Variants in EFHD1 observed in about 807,000 individuals in gnomAD.
EFHD1 encodes the protein EF-hand domain-containing protein D1.
EFHD1 carries 10 observed loss-of-function variants against 17.2 expected under a neutral mutation model. The ratio of observed to expected loss-of-function variants is 0.58; its 90% CI spans 0.36 to 0.99. The LOEUF (loss-of-function observed/expected upper bound fraction) is 0.99. EFHD1 is among the 50% of genes least tolerant of loss of function. The pLI is 0.01. For missense variants in EFHD1, 310 were observed against 327.5 expected (o/e 0.95, Z 0.41); for synonymous variants, 153 against 142.0 (o/e 1.08, Z -0.55).
At chr2:232,607,187 A>T (rs1037410434) in intron 1 of EFHD1, among the ~76,000 whole-genome samples, 5 of 151,948 alleles carry the variant, frequency 3.3e-5, no homozygotes, top group African/African-American at 1.2e-4. Context: ...CATGCCTGTA[A>T]TTCCAGCACT....
chr2:232,649,701 A>AG (rs1694601294), intron 1 of EFHD1: 1 of 152,226 alleles, frequency 6.6e-6, no homozygotes, highest in Non-Finnish European at 1.5e-5. Flanking sequence ...CCACTCTGCA[A>AG]GGCACACAAG....
intron 1 of EFHD1, among the ~76,000 whole-genome samples, chr2:232,660,523 G>A (rs1034134679): frequency 6.6e-6 from 1 of 152,008 alleles, no homozygotes; most frequent in South Asian, 2.1e-4. Context: ...AAGAGATGGG[G>A]TCTCACTACA....
intron 1 of EFHD1, among the ~76,000 whole-genome samples, chr2:232,624,172 A>G (rs934884159): frequency 6.6e-6 from 1 of 152,054 alleles, no homozygotes; most frequent in African/African-American, 2.4e-5. Flanking sequence ...TGTTTTCTTT[A>G]TTTTGGAATC....
Position 232,639,218 on chromosome 2 carries a change from G to A in EFHD1, c.302+5212G>A, listed in dbSNP as rs374463080. Among the ~76,000 whole-genome samples, 137 of 152,228 alleles carry A rather than the reference G, an allele frequency of 9.0e-4. 1 individual carries two copies. Among genetic ancestry groups the A allele is most frequent in the African/African-American group, 3.2e-3 (132 of 41,530 alleles). On this transcript the variant is annotated intron_variant, in intron 1 of 3. Transcript: ENST00000264059. ...GAATTTTATGAGAATTTGAATAATG[G>A]AAATTTGAAGTTGAGTGATGAAAAC...
chr2:232,678,583 G>A (rs964706704), intron 3 of EFHD1, among the ~76,000 whole-genome samples: 9 of 152,058 alleles, frequency 5.9e-5, no homozygotes, highest in East Asian at 1.9e-4. Context: ...TGGAGAGTTC[G>A]AAACCAGCCT....
Position 232,633,744 on chromosome 2 carries a change from C to T in EFHD1, c.40C>T (p.Leu14=). The T allele has an allele frequency of 2.0e-6, 3 of 1,469,466 alleles. No individual in the cohort carries two copies. Among genetic ancestry groups the T allele is most frequent in the Non-Finnish European group, 2.7e-6 (3 of 1,118,930 alleles). The allele number at this position is 1,469,466 out of a possible 1,614,324, so 91.0% of individuals were successfully genotyped here. The part of the protein sequence containing the change: ...EELACKLERR[L]RREEAEESGP... The stretch of plus-strand genomic sequence containing the variant: ...GCTGGCGTGCAAGCTGGAGCGCCGG[C>T]TGCGGCGCGAGGAGGCCGAGGAGAG... The change falls in exon 1 of 4, where the codon CTG becomes TTG. Residue 14 remains leucine (L), a synonymous_variant. Transcript: ENST00000264059.
In EFHD1 at chr2:232,672,448, G is replaced by T. The variant is rs963244305; in HGVS notation, c.585+5G>T. 3 of 1,590,708 alleles carry T rather than the reference G, an allele frequency of 1.9e-6. No individual in the cohort carries two copies. The African/African-American group carries it at 4.0e-5, about 21-fold the overall frequency. On this transcript the variant is annotated splice_donor_5th_base_variant and intron_variant, in intron 3 of 3. Transcript: ENST00000264059. ...AAGAACTTCTTTGAAGCCAAGGTAG[G>T]TGCTTAGTTCCTTCTGTGAGGAGCA...
chr2:232,618,511 C>T (rs532881879), intron 1 of EFHD1, among the ~76,000 whole-genome samples: 2 of 151,976 alleles, frequency 1.3e-5, no homozygotes, highest in African/African-American at 4.8e-5. Flanking sequence ...CACATGAGTC[C>T]AGGAGTTTGA....
chr2:232,657,455 T>C (rs1245785620), intron 1 of EFHD1, among the ~76,000 whole-genome samples: 2 of 152,202 alleles, frequency 1.3e-5, no homozygotes, highest in Non-Finnish European at 2.9e-5. Context: ...ATAGATCACA[T>C]TTTGTCAATG....
At chr2:232,621,977 T>C (rs919038781) in intron 1 of EFHD1, among the ~76,000 whole-genome samples, 2 of 152,194 alleles carry the variant, frequency 1.3e-5, no homozygotes, top group African/African-American at 2.4e-5. Context: ...CTGTGCTGTA[T>C]ATAAAAACTG....
chr2:232,662,624 C>G (rs986930389), intron 1 of EFHD1, 178 bp from the exon 2 acceptor site: 7 of 687,824 alleles, frequency 1.0e-5, no homozygotes, highest in African/African-American at 9.5e-5. Context: ...TTGAGTCATA[C>G]AAAGCCCTGA....
intron 1 of EFHD1, chr2:232,606,247 T>G (rs1693709364): frequency 6.6e-7 from 1 of 1,504,076 alleles, no homozygotes; most frequent in South Asian, 1.2e-5. Context: ...ATTTTTACTC[T>G]GGTCCAGAAT....
chr2:232,629,065 C>T (rs2106190494), upstream of EFHD1, among the ~76,000 whole-genome samples: 1 of 152,312 alleles, frequency 6.6e-6, no homozygotes, highest in East Asian at 1.9e-4. Flanking sequence ...AGGGAGTCTG[C>T]AGGTGGTTCT....
chr2:232,627,059 TATA>T (rs1475881452), intron 1 of EFHD1, among the ~76,000 whole-genome samples: 101 of 118,936 alleles, frequency 8.5e-4, no homozygotes, highest in African/African-American at 2.6e-3. Context: ...TATATATATA[TATA>T]TATTTTTTTT....
chr2:232,677,762 C>G (rs1406761956), intron 3 of EFHD1, among the ~76,000 whole-genome samples: 1 of 152,048 alleles, frequency 6.6e-6, no homozygotes, highest in Non-Finnish European at 1.5e-5. Flanking sequence ...TCTGCTCCAA[C>G]TCCCCCAACA....
intron 1 of EFHD1, among the ~76,000 whole-genome samples, chr2:232,661,524 A>G (rs952207670): frequency 1.0e-4 from 15 of 150,586 alleles, no homozygotes; most frequent in East Asian, 1.9e-4. Context: ...TAAACATACT[A>G]TATTTCATTG....
rs35239145 is a variant in EFHD1 at position 232,615,312 on chromosome 2, AGTGTGTGTGTGTGT to A, written c.14+9166_14+9179del. Reference sequence around the variant, plus strand: ...CCTGCATTGTTCAAGTGTCAACTATAGTGTGTGTGTGTGTGTGTGTGTGTGTGTGTGTGTGTGTG... The same window carrying A: ...CCTGCATTGTTCAAGTGTCAACTATAGTGTGTGTGTGTGTGTGTGTGTGTG... On this transcript the variant is annotated intron_variant, in intron 1 of 3. Transcript: ENST00000409613. Among the ~76,000 whole-genome samples the A allele has an allele frequency of 1.3e-4, 18 of 136,582 alleles. 1 individual carries two copies. Among genetic ancestry groups the A allele is most frequent in the African/African-American group, 4.3e-4 (16 of 37,544 alleles). The allele number at this position is 136,582 out of a possible 152,430, so 89.6% of individuals were successfully genotyped here.
chr2:232,624,108 C>T (rs777046027), intron 1 of EFHD1, among the ~76,000 whole-genome samples: 6 of 152,136 alleles, frequency 3.9e-5, no homozygotes, highest in South Asian at 2.1e-4. Context: ...TCCCTGCAGC[C>T]GTTTAGGACT....
At chr2:232,680,465 AG>A (rs1319336717) in intron 3 of EFHD1, among the ~76,000 whole-genome samples, 1 of 152,212 alleles carries the variant, frequency 6.6e-6, no homozygotes, top group African/African-American at 2.4e-5. Flanking sequence ...TGTAATATCT[AG>A]AAGTAAATAT....
Sources: allele counts gnomAD v4.1 joint callset (sites outside exome capture counted in the v4.1 genomes callset), GRCh38; gene constraint gnomAD v4.1.1; transcripts MANE v1.5; gene names NCBI Gene and HGNC (gene_info 2026-07-23, HGNC 2026-07-21).